Variants in PRDM2 observed in about 807,000 individuals in gnomAD.
PRDM2 encodes the protein PR domain zinc finger protein 2.
Under a neutral mutation model 130.0 loss-of-function variants are expected in PRDM2, and 30 were observed. The ratio of observed to expected loss-of-function variants is 0.23; its 90% CI spans 0.17 to 0.31. The LOEUF is 0.31. PRDM2 is among the 10% of genes least tolerant of loss of function. The pLI is 1.00. For synonymous variants in PRDM2, 871 were observed against 782.4 expected (o/e 1.11, Z -1.89); for missense variants, 2,011 against 2,108.4 (o/e 0.95, Z 0.90).
At chr1:13,723,078 C>T (rs972920200) in intron 2 of PRDM2, among the ~76,000 whole-genome samples, 1 of 152,150 alleles carries the variant, frequency 6.6e-6, no homozygotes, top group Admixed American at 6.5e-5. Flanking sequence ...TCTGGTGCAG[C>T]CGCGGTGGCC....
intron 9 of PRDM2, among the ~76,000 whole-genome samples, chr1:13,820,938 C>T (rs949112067): frequency 2.0e-5 from 3 of 152,114 alleles, no homozygotes; most frequent in Non-Finnish European, 4.4e-5. Context: ...CTCATGGGCA[C>T]GGGCACACAG....
intron 4 of PRDM2, among the ~76,000 whole-genome samples, chr1:13,740,136 T>C (rs1643394021): frequency 1.3e-5 from 2 of 152,236 alleles, no homozygotes; most frequent in Admixed American, 1.3e-4. Context: ...ATAAAAATTG[T>C]ACTCAACTGT....
At chr1:13,776,448 A>G (rs1644477582) in intron 7 of PRDM2, among the ~76,000 whole-genome samples, 1 of 152,156 alleles carries the variant, frequency 6.6e-6, no homozygotes, top group Admixed American at 6.6e-5. Flanking sequence ...ACTAGCACGA[A>G]ACCGCGATTA....
chr1:13,821,430 ACATTTATTTATTTATT>A (rs1330852374), intron 9 of PRDM2, among the ~76,000 whole-genome samples: 2 of 142,188 alleles, frequency 1.4e-5, no homozygotes, highest in South Asian at 2.3e-4. Context: ...AATGCAGTGA[ACATTTATTTATTTATT>A]TATTTATTTA....
intron 6 of PRDM2, among the ~76,000 whole-genome samples, chr1:13,754,703 G>A (rs1643907821): frequency 6.6e-6 from 1 of 152,236 alleles, no homozygotes; most frequent in South Asian, 2.1e-4. Flanking sequence ...AATGACAGAG[G>A]CCTGGCTGTG....
Position 13,732,812 on chromosome 1 carries a change from A to G in PRDM2, c.161A>G (p.Lys54Arg). ...VWATKPILKG[K>R]KFGPFVGDKK... ...GCCACTAAACCAATTTTAAAAGGCA[A>G]AAAATTTGGGCCATTTGTTGGTGAT... is the stretch of plus-strand genomic sequence containing the variant. Residue 54 changes from lysine (K) to arginine (R), a missense_variant, in exon 4 of 10, where the codon AAA (lysine) becomes AGA (arginine). Lys to Arg is a conservative substitution (Grantham distance 26). Transcript: ENST00000311066. The G allele has an allele frequency of 6.2e-7, 1 of 1,609,538 alleles. No individual in the cohort carries two copies. The highest frequency in any genetic ancestry group is 8.5e-7 in the Non-Finnish European group (1 of 1,178,124).
chr1:13,731,075 G>A lies in PRDM2; in HGVS notation c.85G>A (p.Glu29Lys). Residue 29 changes from glutamate to lysine, a missense_variant, in exon 3 of 10, where the codon GAA becomes AAA. Physicochemically the swap from Glu to Lys is moderately conservative, Grantham distance 56 (BLOSUM62 1). Coordinates refer to ENST00000311066, the MANE Select transcript of PRDM2 (RefSeq NM_001393986.1). Reference sequence around the variant, plus strand: ...ACATGTGCTGCGAGGACTTCCGGAGGAAGTGAGGCTTTTCCCTTCTGCTGT... The same window carrying A: ...ACATGTGCTGCGAGGACTTCCGGAGAAAGTGAGGCTTTTCCCTTCTGCTGT... ...PEHVLRGLPE[E>K]VRLFPSAVDK... is the part of the protein sequence containing the mutation. 1 of 1,613,086 alleles carries A rather than the reference G, an allele frequency of 6.2e-7. No individual in the cohort carries two copies. Among genetic ancestry groups the A allele is most frequent in the Non-Finnish European group, 8.5e-7 (1 of 1,179,680 alleles).
At chr1:13,774,478 C>G (rs1557640890) in intron 7 of PRDM2, among the ~76,000 whole-genome samples, 1 of 152,172 alleles carries the variant, frequency 6.6e-6, no homozygotes, top group African/African-American at 2.4e-5. Flanking sequence ...CAAGAATAGT[C>G]AAGTTCATTT....
chr1:13,778,513 G>C lies in PRDM2; in HGVS notation c.718G>C (p.Ala240Pro). 2.5e-6 allele frequency: 4 copies of C among 1,614,158 alleles called. No homozygotes were observed. The highest frequency in any genetic ancestry group is 2.5e-6 in the Non-Finnish European group (3 of 1,180,032). Residue 240 changes from alanine to proline, a missense_variant, in exon 8 of 10, where the codon GCA becomes CCA. Physicochemically the swap from Ala to Pro is conservative, Grantham distance 27. Transcript: ENST00000311066. Reference sequence around the variant, plus strand: ...CAGTCAGGAGGTGCCTCCAGAACTAGCAACCCCTGCCCCTGCCTGGGAGCC... The same window carrying C: ...CAGTCAGGAGGTGCCTCCAGAACTACCAACCCCTGCCCCTGCCTGGGAGCC... The part of the protein sequence containing the change: ...VASQEVPPEL[A>P]TPAPAWEPQP...
chr1:13,797,830 C>T (rs902209538), intron 8 of PRDM2, among the ~76,000 whole-genome samples: 1 of 152,032 alleles, frequency 6.6e-6, no homozygotes, highest in African/African-American at 2.4e-5. Flanking sequence ...TGAGTCTTAC[C>T]CAGACTTCAG....
chr1:13,751,959 TCCTCCCCTCC>T (rs201422071), intron 6 of PRDM2, among the ~76,000 whole-genome samples: 2 of 151,442 alleles, frequency 1.3e-5, no homozygotes, highest in African/African-American at 4.9e-5. Context: ...CTTTCTTCTC[TCCTCCCCTCC>T]CCTCCCCTCC....
intron 2 of PRDM2, among the ~76,000 whole-genome samples, chr1:13,718,133 A>G (rs888369894): frequency 1.3e-5 from 2 of 152,206 alleles, no homozygotes; most frequent in African/African-American, 4.8e-5. Flanking sequence ...AAAAACTGAA[A>G]AATAACCACA....
chr1:13,787,574 T>C, intron 8 of PRDM2: 1 of 979,946 alleles, frequency 1.0e-6, no homozygotes, highest in Non-Finnish European at 1.2e-6. Flanking sequence ...ATTCCCATTT[T>C]GTTACATTTC....
intron 7 of PRDM2, among the ~76,000 whole-genome samples, chr1:13,775,910 C>T (rs1459253191): frequency 6.6e-6 from 1 of 152,222 alleles, no homozygotes; most frequent in Non-Finnish European, 1.5e-5. Flanking sequence ...TGGCAGTCTC[C>T]TGCTTTCAGA....
chr1:13,744,998 G>T (rs1158023464), intron 5 of PRDM2, among the ~76,000 whole-genome samples: 1 of 152,156 alleles, frequency 6.6e-6, no homozygotes, highest in Non-Finnish European at 1.5e-5. Context: ...GATTAGAAAT[G>T]ATTTAAAATT....
intron 2 of PRDM2, among the ~76,000 whole-genome samples, chr1:13,728,291 G>A (rs1203653497): frequency 6.6e-6 from 1 of 152,208 alleles, no homozygotes; most frequent in East Asian, 1.9e-4. Flanking sequence ...GTCTCACAGA[G>A]GAGGCACACA....
chr1:13,810,920 C>T (rs1482146098), intron 8 of PRDM2, among the ~76,000 whole-genome samples: 1 of 151,782 alleles, frequency 6.6e-6, no homozygotes, highest in Non-Finnish European at 1.5e-5. Flanking sequence ...CGTGGTGGCT[C>T]ATGCTTATAA....
At chr1:13,734,935 A>G (rs1020176012) in intron 4 of PRDM2, among the ~76,000 whole-genome samples, 1 of 152,230 alleles carries the variant, frequency 6.6e-6, no homozygotes, top group African/African-American at 2.4e-5. Flanking sequence ...ACATTGAGGT[A>G]AGACTTAGTA....
At chr1:13,746,526 G>T (rs1160601644) in intron 5 of PRDM2, among the ~76,000 whole-genome samples, 1 of 143,866 alleles carries the variant, frequency 7.0e-6, no homozygotes, top group Non-Finnish European at 1.5e-5. Context: ...TCTACTACTT[G>T]TTTTTATTTA....
Sources: gnomAD v4.1 joint callset for allele counts (sites outside exome capture counted in the v4.1 genomes callset) on GRCh38, gnomAD v4.1.1 for gene constraint, MANE v1.5 for transcripts, NCBI Gene and HGNC (gene_info 2026-07-23, HGNC 2026-07-21) for gene names.